Variants in MARCHF11 observed in about 807,000 individuals in gnomAD.
The protein encoded by MARCHF11 is membrane associated ring-CH-type finger 11.
In MARCHF11, 29 loss-of-function variants were observed where a neutral mutation model predicts 37.3. The ratio of observed to expected loss-of-function variants is 0.78; its 90% confidence interval spans 0.58 to 1.06. The LOEUF (loss-of-function observed/expected upper bound fraction) is 1.06, where lower values mean the gene tolerates loss of function less well. MARCHF11 is among the 50% of genes least tolerant of loss of function. The pLI is 0.00. For synonymous variants in MARCHF11, 233 were observed against 228.0 expected, an observed-to-expected ratio of 1.02 and a Z score of -0.20; for missense variants, 482 against 533.4, an observed-to-expected ratio of 0.90 and a Z score of 0.95.
chr5:16,107,333 G>GA (rs1553995316), intron 2 of MARCHF11, among the ~76,000 whole-genome samples: 3,308 of 145,558 alleles, frequency 0.023, 131 homozygotes, highest in African/African-American at 0.078. Context: ...AAGCACTATT[G>GA]TTTTTTTTTT....
intron 2 of MARCHF11, among the ~76,000 whole-genome samples, chr5:16,132,482 T>C (rs1737534176): frequency 2.0e-5 from 3 of 152,214 alleles, no homozygotes; most frequent in Admixed American, 2.0e-4. Flanking sequence ...CAGTCAATGA[T>C]GGACAGTTTG....
At chr5:16,096,460 C>G (rs1736870099) in intron 2 of MARCHF11, among the ~76,000 whole-genome samples, 1 of 152,118 alleles carries the variant, frequency 6.6e-6, no homozygotes, top group African/African-American at 2.4e-5. Context: ...CAATAGGGTC[C>G]ACCAGTCCTA....
intron 2 of MARCHF11, among the ~76,000 whole-genome samples, chr5:16,093,890 G>A (rs1161460628): frequency 6.6e-6 from 1 of 152,016 alleles, no homozygotes; most frequent in East Asian, 1.9e-4. Flanking sequence ...TTTAAAGAAG[G>A]TTAAATTGTA....
chr5:16,070,124 G>A (rs1736407682), intron 3 of MARCHF11, among the ~76,000 whole-genome samples: 1 of 152,074 alleles, frequency 6.6e-6, no homozygotes, highest in East Asian at 1.9e-4. Context: ...AATAATCATA[G>A]TTGACCTAAC....
intron 3 of MARCHF11, among the ~76,000 whole-genome samples, chr5:16,081,958 A>G (rs1161757155): frequency 6.6e-6 from 1 of 152,214 alleles, no homozygotes; most frequent in African/African-American, 2.4e-5. Context: ...AGGCAATGGT[A>G]TCACTCATAA....
At position 16,179,247 on chromosome 5, in the gene MARCHF11, G is replaced by C. The variant is rs2126614927; in HGVS notation, c.329C>G (p.Pro110Arg). ...GCCGCCTTTCGCTGCTGCCGCCTCC[G>C]GGAGGCGCCTCGGACCTTCCCCGGA... ...GDSGEGPRRL[P>R]EAAAAKGGPG... Residue 110 changes from proline (P) to arginine (R), a missense_variant, in exon 1 of 4, where the codon CCG (proline) becomes CGG (arginine). Transcript: ENST00000332432. 1.5e-6 allele frequency: 2 copies of C among 1,344,704 alleles called. No individual in the cohort carries two copies. The highest frequency in any genetic ancestry group is 1.5e-5 in the African/African-American group (1 of 65,378). 83.3% of individuals were successfully genotyped at this position (1,344,704 alleles called of 1,614,324 possible). A position where few individuals can be genotyped will look rare whatever the true frequency, so the allele number is the denominator to read the frequency against.
intron 2 of MARCHF11, among the ~76,000 whole-genome samples, chr5:16,108,002 A>C (rs1737072982): frequency 6.6e-6 from 1 of 152,158 alleles, no homozygotes; most frequent in Non-Finnish European, 1.5e-5. Context: ...GTGTGACCTG[A>C]ATCTTCCATG....
At chr5:16,098,765 C>A (rs1397591437) in intron 2 of MARCHF11, among the ~76,000 whole-genome samples, 4 of 142,734 alleles carry the variant, frequency 2.8e-5, no homozygotes, top group African/African-American at 5.6e-5. Context: ...GAGACTCCAT[C>A]TCAAAAAAAA....
chr5:16,143,564 T>G (rs141020683), intron 2 of MARCHF11, among the ~76,000 whole-genome samples: 1 of 152,390 alleles, frequency 6.6e-6, no homozygotes, highest in African/African-American at 2.4e-5. Flanking sequence ...GATACACTGT[T>G]CAGCCGGAAT....
At chr5:16,109,299 G>A (rs950610310) in intron 2 of MARCHF11, among the ~76,000 whole-genome samples, 1 of 152,148 alleles carries the variant, frequency 6.6e-6, no homozygotes, top group African/African-American at 2.4e-5. Context: ...ATGATTACAG[G>A]GCTAATGTTT....
intron 2 of MARCHF11, among the ~76,000 whole-genome samples, chr5:16,164,868 A>G (rs1006325094): frequency 2.0e-5 from 3 of 151,964 alleles, no homozygotes; most frequent in African/African-American, 7.2e-5. Flanking sequence ...AACAGCATCC[A>G]TGCTTCTACC....
At chr5:16,113,495 G>C (rs912252758) in intron 2 of MARCHF11, among the ~76,000 whole-genome samples, 1 of 152,096 alleles carries the variant, frequency 6.6e-6, no homozygotes, top group African/African-American at 2.4e-5. Flanking sequence ...TAGATCAAAG[G>C]CTACCTTCCC....
At chr5:16,087,243 C>T (rs1736714910) in intron 3 of MARCHF11, among the ~76,000 whole-genome samples, 1 of 152,186 alleles carries the variant, frequency 6.6e-6, no homozygotes. Flanking sequence ...CTTAAAAACT[C>T]CAGTAACAAA....
At chr5:16,100,034 T>C (rs1736929927) in intron 2 of MARCHF11, among the ~76,000 whole-genome samples, 1 of 152,144 alleles carries the variant, frequency 6.6e-6, no homozygotes, top group Non-Finnish European at 1.5e-5. Context: ...ACTATGGCAA[T>C]GTGCTCAGTA....
At position 16,110,688 on chromosome 5, in the gene MARCHF11, A is replaced by T. The variant is rs1320153663; in HGVS notation, c.694-19607T>A. Among the ~76,000 whole-genome samples the T allele has an allele frequency of 2.6e-5, 4 of 152,364 alleles. No individual in the cohort carries two copies. In the East Asian group the frequency reaches 7.7e-4, roughly 29 times the overall value. On this transcript the variant is annotated intron_variant, in intron 2 of 3. Coordinates refer to ENST00000332432, the MANE Select transcript of MARCHF11 (RefSeq NM_001102562.3). ...AAAAATTATAGGTCTTTACATTATCATTATTGATAGCAGATTCAGACAATA... is the reference window on the plus strand; with the variant it reads ...AAAAATTATAGGTCTTTACATTATCTTTATTGATAGCAGATTCAGACAATA...
At chr5:16,134,998 T>TCTCTCTCTCA (rs137865822) in intron 2 of MARCHF11, among the ~76,000 whole-genome samples, 15 of 143,804 alleles carry the variant, frequency 1.0e-4, no homozygotes, top group South Asian at 4.7e-4. Context: ...TCTCTCTCTC[T>TCTCTCTCTCA]CACACACACA....
intron 2 of MARCHF11, among the ~76,000 whole-genome samples, chr5:16,103,120 A>AAAACAAAAC (rs796442979): frequency 0.016 from 2,498 of 152,050 alleles, 73 homozygotes; most frequent in African/African-American, 0.057. Flanking sequence ...AGAAAAAAAA[A>AAAACAAAAC]AAACAAAACT....
chr5:16,142,084 TTCTA>T (rs956589109), intron 2 of MARCHF11, among the ~76,000 whole-genome samples: 1 of 152,208 alleles, frequency 6.6e-6, no homozygotes, highest in African/African-American at 2.4e-5. Flanking sequence ...AACTAGCAGA[TTCTA>T]TCTTAGTCAC....
chr5:16,121,266 C>T (rs1335548436), intron 2 of MARCHF11, among the ~76,000 whole-genome samples: 1 of 151,962 alleles, frequency 6.6e-6, no homozygotes, highest in African/African-American at 2.4e-5. Context: ...GTTTTTTTTG[C>T]CTGAGGTTTG....
Sources: allele counts gnomAD v4.1 joint callset (sites outside exome capture counted in the v4.1 genomes callset), GRCh38; gene constraint gnomAD v4.1.1; transcripts MANE v1.5; gene names NCBI Gene and HGNC (gene_info 2026-07-23, HGNC 2026-07-21).